Variants in PXDNL observed in about 807,000 individuals in gnomAD.
PXDNL encodes peroxidasin like.
Under a neutral mutation model 150.8 loss-of-function variants are expected in PXDNL, and 145 were observed. The ratio of observed to expected loss-of-function variants is 0.96; its 90% CI spans 0.84 to 1.10. The LOEUF (loss-of-function observed/expected upper bound fraction) is 1.10. Ranked by LOEUF, PXDNL falls within the 50% of genes least tolerant of loss-of-function variation. The pLI is 0.00. For synonymous variants in PXDNL, 757 were observed against 725.7 expected (o/e 1.04, Z -0.69); for missense variants, 2,087 against 1,873.9 (o/e 1.11, Z -2.10).
rs371365853 is a variant in PXDNL, at chr8:51,423,662, C to A, written c.1708G>T (p.Ala570Ser). The A allele has an allele frequency of 3.1e-5, 50 of 1,613,760 alleles. No homozygotes were observed. In the South Asian group the frequency reaches 4.7e-4, roughly 15 times the overall value. ...DDEGTLTIYDAGFPDQGRYEC... is the reference protein window; with the variant it reads ...DDEGTLTIYDSGFPDQGRYEC... Reference sequence around the variant, plus strand: ...TATCTTCCCTGGTCAGGGAACCCTGCGTCGTAGATAGTCAGCGTGCCTTCA... The same window carrying A: ...TATCTTCCCTGGTCAGGGAACCCTGAGTCGTAGATAGTCAGCGTGCCTTCA... The change falls in exon 14 of 23, where the codon GCA becomes TCA. Residue 570 changes from alanine to serine, a missense_variant. Ala to Ser is a moderately conservative substitution (Grantham distance 99, BLOSUM62 1). Transcript: ENST00000356297.
rs1441576255 is a variant in PXDNL, at chr8:51,424,557, A to T, written c.1639-826T>A. Reference sequence around the variant, plus strand: ...ATATATATACACAATTAAAAATATAAGAAGATAAAAATAACTACATTTTAT... The same window carrying T: ...ATATATATACACAATTAAAAATATATGAAGATAAAAATAACTACATTTTAT... On this transcript the variant is annotated intron_variant, in intron 13 of 22. Transcript: ENST00000356297. Among the ~76,000 whole-genome samples, 3 of 152,072 alleles carry T rather than the reference A, an allele frequency of 2.0e-5. No individual in the cohort carries two copies. In the South Asian group the frequency reaches 6.2e-4, roughly 32 times the overall value.
At chr8:51,664,487 AAGAC>A (rs141155698) in intron 1 of PXDNL, among the ~76,000 whole-genome samples, 231 of 152,272 alleles carry the variant, frequency 1.5e-3, no homozygotes, top group African/African-American at 5.4e-3. Context: ...TGTGCCTGGG[AAGAC>A]AGACTGGCAT....
intron 17 of PXDNL, among the ~76,000 whole-genome samples, chr8:51,384,849 ACT>A (rs558929099): frequency 1.8e-3 from 267 of 152,204 alleles, no homozygotes; most frequent in African/African-American, 6.2e-3. Context: ...AGAATATAGA[ACT>A]CTGTAATTAT....
chr8:51,382,016 T>C (rs1807564589), intron 17 of PXDNL, among the ~76,000 whole-genome samples: 1 of 152,286 alleles, frequency 6.6e-6, no homozygotes, highest in Admixed American at 6.5e-5. Context: ...TATGTATACA[T>C]GTGCAGAGAC....
At chr8:51,560,488 C>T (rs1302414785) in intron 3 of PXDNL, among the ~76,000 whole-genome samples, 1 of 151,904 alleles carries the variant, frequency 6.6e-6, no homozygotes, top group African/African-American at 2.4e-5. Context: ...AGTAGGAAGT[C>T]CACAAATAAG....
intron 1 of PXDNL, among the ~76,000 whole-genome samples, chr8:51,787,689 C>A (rs530685315): frequency 1.3e-5 from 2 of 152,310 alleles, no homozygotes; most frequent in Admixed American, 6.5e-5. Context: ...ATACTGTGAA[C>A]ACTTAAAATG....
In PXDNL at chr8:51,448,917, A is replaced by G. The variant is rs1809742476; in HGVS notation, c.1366+85T>C. On this transcript the variant is annotated intron_variant, in intron 11 of 22. Coordinates refer to ENST00000356297, the MANE Select transcript of PXDNL (RefSeq NM_144651.5). Reference sequence around the variant, plus strand: ...TTTTCATGTCCATGATACACCTTCGATAATTAATTTAAACTATTTTTTTTT... The same window carrying G: ...TTTTCATGTCCATGATACACCTTCGGTAATTAATTTAAACTATTTTTTTTT... 7 of 748,180 alleles carry G rather than the reference A, an allele frequency of 9.4e-6. No homozygotes were observed. In the East Asian group the frequency reaches 1.9e-4, roughly 20 times the overall value. The allele number at this position is 748,180 out of a possible 1,614,324, so 46.3% of individuals were successfully genotyped here. A position where few individuals can be genotyped will look rare whatever the true frequency, so the allele number is the denominator to read the frequency against.
In PXDNL at chr8:51,770,765, G is replaced by T. The variant is rs143914267; in HGVS notation, c.164+38416C>A. On this transcript the variant is annotated intron_variant, in intron 1 of 22. Transcript: ENST00000356297. ...AGGTGGAGAGAATGAACATGTTAAA[G>T]TTGGGAGAAATATTTCAGGATACCT... Among the ~76,000 whole-genome samples, 1,401 of 152,326 alleles carry T rather than the reference G, an allele frequency of 9.2e-3. 10 individuals carry two copies. The highest frequency in any genetic ancestry group is 0.014 in the Non-Finnish European group (976 of 68,024).
intron 4 of PXDNL, among the ~76,000 whole-genome samples, chr8:51,547,117 C>T (rs941436831): frequency 6.6e-6 from 1 of 152,128 alleles, no homozygotes; most frequent in African/African-American, 2.4e-5. Flanking sequence ...ATGGCCCTGC[C>T]CATCACCTCA....
intron 21 of PXDNL, among the ~76,000 whole-genome samples, chr8:51,325,818 T>C (rs1805466539): frequency 6.6e-6 from 1 of 152,166 alleles, no homozygotes; most frequent in Non-Finnish European, 1.5e-5. Context: ...CAGTATACCC[T>C]GGGGAGAGTG....
Position 51,506,833 on chromosome 8 carries a change from A to G in PXDNL, c.381-7063T>C, listed in dbSNP as rs147533238. Among the ~76,000 whole-genome samples, 28 of 152,288 alleles carry G rather than the reference A, an allele frequency of 1.8e-4. No individual in the cohort carries two copies. In the East Asian group the frequency reaches 5.2e-3, roughly 28 times the overall value. Reference sequence around the variant, plus strand: ...TCTCACTGTCTTTAGCAGGAATTCAAGGCTTTTCAAGATTGAGCGCCAACC... The same window carrying G: ...TCTCACTGTCTTTAGCAGGAATTCAGGGCTTTTCAAGATTGAGCGCCAACC... On this transcript the variant is annotated intron_variant, in intron 4 of 22. Coordinates refer to ENST00000356297, the MANE Select transcript of PXDNL (RefSeq NM_144651.5).
At position 51,622,796 on chromosome 8, in the gene PXDNL, C is replaced by CAGTT. The variant is rs376090932; in HGVS notation, c.237-30102_237-30099dup. ...GATTGATAAAGACTAAACCAACTCTCAGTTCTCTGAAGGCACCTACCCTGG... is the reference window on the plus strand; with the variant it reads ...GATTGATAAAGACTAAACCAACTCTCAGTTAGTTCTCTGAAGGCACCTACCCTGG... On this transcript the variant is annotated intron_variant, in intron 2 of 22. Coordinates refer to ENST00000356297, the MANE Select transcript of PXDNL (RefSeq NM_144651.5). 2.6e-5 allele frequency among the ~76,000 whole-genome samples: 4 copies of CAGTT among 152,328 alleles called. No homozygotes were observed. The East Asian group carries it at 7.7e-4, about 29-fold the overall frequency.
intron 21 of PXDNL, among the ~76,000 whole-genome samples, chr8:51,323,132 C>T (rs756164029): frequency 6.6e-6 from 1 of 152,090 alleles, no homozygotes; most frequent in Non-Finnish European, 1.5e-5. Flanking sequence ...TCCTAGCAGA[C>T]TAGGACATAT....
At chr8:51,414,926 T>C (rs1390777093) in intron 14 of PXDNL, among the ~76,000 whole-genome samples, 1 of 152,208 alleles carries the variant, frequency 6.6e-6, no homozygotes, top group South Asian at 2.1e-4. Context: ...TTTATGCTTA[T>C]TCTAGCAAAA....
chr8:51,562,943 A>G (rs759239819), intron 3 of PXDNL, among the ~76,000 whole-genome samples: 6 of 151,934 alleles, frequency 3.9e-5, no homozygotes, highest in Non-Finnish European at 8.8e-5. Flanking sequence ...AGGGAGTTGC[A>G]GTTGTAATGG....
At chr8:51,379,544 A>G (rs564307004) in intron 17 of PXDNL, among the ~76,000 whole-genome samples, 26 of 151,526 alleles carry the variant, frequency 1.7e-4, no homozygotes, top group African/African-American at 5.3e-4. Flanking sequence ...TCTTACTGTT[A>G]ATTATCTATA....
intron 8 of PXDNL, among the ~76,000 whole-genome samples, chr8:51,466,248 C>T (rs1810203020): frequency 6.6e-6 from 1 of 151,936 alleles, no homozygotes. Flanking sequence ...AAAACTGCAC[C>T]TCTACATCCA....
At chr8:51,626,855 T>C (rs779657207) in intron 2 of PXDNL, among the ~76,000 whole-genome samples, 1 of 152,158 alleles carries the variant, frequency 6.6e-6, no homozygotes, top group Non-Finnish European at 1.5e-5. Context: ...AAAATGTAAG[T>C]GGTGAGTGAT....
chr8:51,556,908 G>A lies in PXDNL; in HGVS notation c.312C>T (p.Tyr104=). 3.9e-6 allele frequency: 6 copies of A among 1,531,412 alleles called. No individual in the cohort carries two copies. Among genetic ancestry groups the A allele is most frequent in the Non-Finnish European group, 5.4e-6 (6 of 1,105,944 alleles). The allele number at this position is 1,531,412 out of a possible 1,614,324, so 94.9% of individuals were successfully genotyped here. ...GTGCATGGATTTCATTCTTATACAG[G>A]TACCTGGAAAATATATAGAATGTCA... ...FEGLENLLYL[Y]LYKNEIHALD... is the part of the protein sequence containing the mutation. Residue 104 remains tyrosine (Y), a synonymous_variant, in exon 4 of 23, where the codon TAC becomes TAT. Transcript: ENST00000356297.
Sources: gnomAD v4.1 joint callset for allele counts (sites outside exome capture counted in the v4.1 genomes callset) on GRCh38, gnomAD v4.1.1 for gene constraint, MANE v1.5 for transcripts, NCBI Gene and HGNC (gene_info 2026-07-23, HGNC 2026-07-21) for gene names.